ERCC5: variants seen among roughly 807,000 people sequenced by gnomAD.
The protein encoded by ERCC5 is ERCC excision repair 5, endonuclease.
A neutral mutation model predicts 105.6 loss-of-function variants in ERCC5; 68 were observed. The ratio of observed to expected loss-of-function variants is 0.64; its 90% CI spans 0.53 to 0.79. The LOEUF (loss-of-function observed/expected upper bound fraction) is 0.79. Ranked by LOEUF, ERCC5 falls within the 30% of genes least tolerant of loss-of-function variation. The pLI is 0.00. For missense variants in ERCC5, 1,373 were observed against 1,426.7 expected, an observed-to-expected ratio of 0.96 and a Z score of 0.61; for synonymous variants, 546 against 526.2, an observed-to-expected ratio of 1.04 and a Z score of -0.51.
At chr13:102,849,218 C>T (rs756517532) in intron 1 of ERCC5, 3 of 518,892 alleles carry the variant, frequency 5.8e-6, no homozygotes, top group South Asian at 2.8e-5. Flanking sequence ...GATCTCTTCT[C>T]GTGGTCTCCA....
Position 102,846,104 on chromosome 13 carries a change from G to T in ERCC5, c.-163G>T. The T allele has an allele frequency of 1.6e-6, 1 of 624,170 alleles. No homozygotes were observed. The allele number at this position is 624,170 out of a possible 1,614,324, so 38.7% of individuals were successfully genotyped here. A position where few individuals can be genotyped will look rare whatever the true frequency, so the allele number is the denominator to read the frequency against. Reference sequence around the variant, plus strand: ...TCTCCGCTTTAATGCGCTCCCATTAGTGCCGTCCCCCACTGGAAAACCGTG... The same window carrying T: ...TCTCCGCTTTAATGCGCTCCCATTATTGCCGTCCCCCACTGGAAAACCGTG... On this transcript the variant is annotated 5_prime_UTR_variant, in exon 1 of 15. An upstream open reading frame in the 5' UTR loses its in-frame stop. Coordinates refer to ENST00000652225, the MANE Select transcript of ERCC5 (RefSeq NM_000123.4).
rs767643997 is a variant in ERCC5, at chr13:102,863,033, C to T, written c.1884C>T (p.Gly628=). The change falls in exon 8 of 15, where the codon GGC becomes GGT. Residue 628 remains glycine, a synonymous_variant. Coordinates refer to ENST00000652225, the MANE Select transcript of ERCC5 (RefSeq NM_000123.4). ...AACAGCAGACCACTGAATCTGCAGG[C>T]CAGGATTTAATTTCCATTCCAAAGG... ...IQEQQTTESA[G]QDLISIPKAV... is the part of the protein sequence containing the mutation. The T allele has an allele frequency of 2.5e-6, 4 of 1,613,954 alleles. No homozygotes were observed. Among genetic ancestry groups the T allele is most frequent in the African/African-American group, 2.7e-5 (2 of 74,886 alleles).
chr13:102,850,354 A>G (rs1882159596), intron 1 of ERCC5, among the ~76,000 whole-genome samples: 1 of 152,182 alleles, frequency 6.6e-6, no homozygotes, highest in African/African-American at 2.4e-5. Flanking sequence ...TGTTTCAGGC[A>G]GAGGAAGCAG....
At chr13:102,864,061 G>A (rs1882744251) in intron 8 of ERCC5, among the ~76,000 whole-genome samples, 1 of 150,700 alleles carries the variant, frequency 6.6e-6, no homozygotes, top group Non-Finnish European at 1.5e-5. Context: ...CAATGACTCG[G>A]TATTGGCTAA....
intron 6 of ERCC5, 127 bp downstream of exon 6, chr13:102,858,545 A>G: frequency 1.5e-6 from 2 of 1,351,538 alleles, no homozygotes; most frequent in Non-Finnish European, 2.1e-6. Flanking sequence ...CAGCATTTCT[A>G]CATCTCAGAT....
At chr13:102,859,310 A>C (rs1221859260) in intron 6 of ERCC5, among the ~76,000 whole-genome samples, 4 of 152,178 alleles carry the variant, frequency 2.6e-5, no homozygotes, top group African/African-American at 9.7e-5. Flanking sequence ...ATATTGCTTA[A>C]ATTGATAGCA....
Position 102,865,802 on chromosome 13 carries a change from C to T in ERCC5, c.2090C>T (p.Ser697Phe). 3 of 1,614,144 alleles carry T rather than the reference C, an allele frequency of 1.9e-6. No homozygotes were observed. The highest frequency in any genetic ancestry group is 2.5e-6 in the Non-Finnish European group (3 of 1,180,044). Residue 697 changes from serine to phenylalanine, a missense_variant, in exon 9 of 15, where the codon TCC becomes TTC. By Grantham distance (155) the Ser-to-Phe change is radical. Around this residue, in one of 3 missense-constraint regions of ERCC5, gnomAD observed 1,004 missense variants for 1,059.7 expected, o/e 0.95. Transcript: ENST00000652225. This position sits in a 1 kb window ranked among gnomAD's most constrained non-coding sequence, Gnocchi z 4.0. ...GTREGEAPAE[S>F]ESLLRDNSER... The stretch of plus-strand genomic sequence containing the variant: ...AGGGAGGGAGAAGCCCCTGCTGAGT[C>T]CGAGAGCCTCCTGAGGGACAACTCT...
chr13:102,862,954 A>G lies in ERCC5; in HGVS notation c.1805A>G (p.Asn602Ser), dbSNP rs746404996. 2 of 1,614,212 alleles carry G rather than the reference A, an allele frequency of 1.2e-6. No individual in the cohort carries two copies. The highest frequency in any genetic ancestry group is 2.7e-5 in the African/African-American group (2 of 75,058). The change falls in exon 8 of 15, where the codon AAT becomes AGT. Residue 602 changes from asparagine (N) to serine (S), a missense_variant. Asn to Ser is a conservative substitution (Grantham distance 46). This residue lies in a region of ERCC5 where 1,004 missense variants were observed against 1,059.7 expected (regional missense o/e 0.95). Coordinates refer to ENST00000652225, the MANE Select transcript of ERCC5 (RefSeq NM_000123.4). The stretch of plus-strand genomic sequence containing the variant: ...TCAGAGGCAGTAGATAATGTGGAAA[A>G]TGTGGTGTCATTTAATGCTAAAGAG... Reference protein sequence around the residue: ...VPSEAVDNVENVVSFNAKEHE... With the variant: ...VPSEAVDNVESVVSFNAKEHE...
Position 102,875,556 on chromosome 13 carries a change from A to C in ERCC5, c.3214A>C (p.Arg1072=), listed in dbSNP as rs556797851. The change falls in exon 15 of 15, where the codon AGA becomes CGA. Residue 1072 remains arginine, a synonymous_variant. Coordinates refer to ENST00000652225, the MANE Select transcript of ERCC5 (RefSeq NM_000123.4). ...NTLEESSSLK[R]KRLSDSKGKN... ...CTTAGAAGAGTCATCAAGCCTGAAA[A>C]GAAAGAGGCTTTCAGATTCTAAAGG... The C allele has an allele frequency of 5.0e-6, 8 of 1,612,888 alleles. No individual in the cohort carries two copies. The African/African-American group carries it at 8.0e-5, about 16-fold the overall frequency.
chr13:102,873,527 A>T (rs1883100190), intron 14 of ERCC5, among the ~76,000 whole-genome samples, 184 bp downstream of exon 14: 1 of 152,194 alleles, frequency 6.6e-6, no homozygotes. Context: ...ATTTTCTATG[A>T]TCACTCTTAG....
intron 12 of ERCC5, among the ~76,000 whole-genome samples, chr13:102,871,446 A>T (rs543488100): frequency 1.3e-5 from 2 of 152,330 alleles, no homozygotes; most frequent in East Asian, 3.9e-4. Context: ...CTGTGTGCTC[A>T]CGTAGAATAT....
In ERCC5 at chr13:102,853,764, G is replaced by T. The variant is rs1869017967; in HGVS notation, c.272G>T (p.Arg91Ile). The T allele has an allele frequency of 1.2e-6, 2 of 1,614,006 alleles. No homozygotes were observed. Among genetic ancestry groups the T allele is most frequent in the Admixed American group, 1.7e-5 (1 of 60,000 alleles). Residue 91 changes from arginine to isoleucine, a missense_variant, in exon 3 of 15, where the codon AGA (arginine) becomes ATA (isoleucine). By Grantham distance (97) the Arg-to-Ile change is moderately conservative. Transcript: ENST00000652225. ...PLLKKQTLVK[R>I]RQRKDLASSD... ...CATCCTTTCTTCTCATAGGTGAAGA[G>T]AAGGCAGAGAAAGGACTTAGCGTCC...
intron 12 of ERCC5, among the ~76,000 whole-genome samples, chr13:102,868,663 C>T (rs1401745323): frequency 6.6e-6 from 1 of 152,208 alleles, no homozygotes; most frequent in African/African-American, 2.4e-5. Context: ...GCAAATTGTA[C>T]TTGTCTGTGT....
intron 3 of ERCC5, chr13:102,854,077 GA>G (rs1882308165): frequency 1.6e-5 from 12 of 740,240 alleles, no homozygotes; most frequent in Non-Finnish European, 2.2e-5. Flanking sequence ...TTGCTAATGA[GA>G]AAAAAAAGCT....
In ERCC5 at chr13:102,872,254, C is replaced by T. The variant is rs1883059078; in HGVS notation, c.2735C>T (p.Thr912Ile). 1 of 1,614,024 alleles carries T rather than the reference C, an allele frequency of 6.2e-7. No individual in the cohort carries two copies. Among genetic ancestry groups the T allele is most frequent in the Middle Eastern group, 1.6e-4 (1 of 6,062 alleles). Residue 912 changes from threonine (T) to isoleucine (I), a missense_variant, in exon 13 of 15, where the codon ACC becomes ATC. This residue lies in a region of ERCC5 where 367 missense variants were observed against 350.2 expected (regional missense o/e 1.05). Transcript: ENST00000652225. Reference protein sequence around the residue: ...NPKIRPNPHDTKVKKKLRTLQ... With the variant: ...NPKIRPNPHDIKVKKKLRTLQ... Reference sequence around the variant, plus strand: ...AAGATAAGACCTAATCCTCATGACACCAAAGTGAAAAAAAAATTACGGACA... The same window carrying T: ...AAGATAAGACCTAATCCTCATGACATCAAAGTGAAAAAAAAATTACGGACA...
intron 6 of ERCC5, among the ~76,000 whole-genome samples, 155 bp downstream of exon 6, chr13:102,858,573 A>G (rs544130991): frequency 1.4e-4 from 21 of 152,342 alleles, no homozygotes; most frequent in Admixed American, 8.5e-4. Flanking sequence ...AGCATCGTAT[A>G]TTTATACGTT....
At chr13:102,861,831 CTG>C (rs1208337847) in intron 7 of ERCC5, 117 bp downstream of exon 7, 8 of 1,377,958 alleles carry the variant, frequency 5.8e-6, no homozygotes, top group Non-Finnish European at 8.0e-6. Flanking sequence ...TATGTAATAA[CTG>C]TATACTGCTA....
chr13:102,864,041 T>C (rs1882743285), intron 8 of ERCC5, among the ~76,000 whole-genome samples: 1 of 151,934 alleles, frequency 6.6e-6, no homozygotes, highest in Non-Finnish European at 1.5e-5. Context: ...CACATAGATA[T>C]GTTTAGGAGC....
intron 1 of ERCC5, among the ~76,000 whole-genome samples, chr13:102,851,737 T>C (rs964670158): frequency 1.3e-5 from 2 of 152,208 alleles, no homozygotes; most frequent in African/African-American, 4.8e-5. Flanking sequence ...AGTGGTAAAA[T>C]AGACTGCAAA....
Sources: allele counts gnomAD v4.1 joint callset (sites outside exome capture counted in the v4.1 genomes callset), GRCh38; gene constraint gnomAD v4.1.1; regional missense constraint gnomAD v4.1.1; non-coding constraint Gnocchi (gnomAD v3.1); transcripts MANE v1.5; gene names NCBI Gene and HGNC (gene_info 2026-07-23, HGNC 2026-07-21).